The following LRCH2 variants were observed in gnomAD, a reference collection of about 807,000 sequenced individuals.
LRCH2 encodes the protein leucine rich repeats and calponin homology domain containing 2, also known as leucine-rich repeat and calponin homology domain-containing protein 2.
In LRCH2, 38 loss-of-function variants were observed where a neutral mutation model predicts 68.9. The observed-to-expected ratio is 0.55, with a 90% CI of 0.43 to 0.72. The LOEUF (loss-of-function observed/expected upper bound fraction) is 0.72, where lower values mean the gene tolerates loss of function less well. Among genes scored for constraint, LRCH2 ranks in the 30% least tolerant of loss-of-function variants. LRCH2 has a pLI of 0.00. For synonymous variants in LRCH2, 191 were observed against 208.1 expected (o/e 0.92, Z 0.71); for missense variants, 528 against 572.9 (o/e 0.92, Z 0.80).
chrX:115,159,577 C>A (rs1290850778), intron 11 of LRCH2, among the ~76,000 whole-genome samples: 1 of 109,577 alleles, frequency 9.1e-6, no homozygotes, highest in Non-Finnish European at 1.9e-5. Context: ...TGGTGAAACC[C>A]CGTCTCTACT....
intron 1 of LRCH2, among the ~76,000 whole-genome samples, chrX:115,218,002 T>G (rs1426200185): frequency 1.8e-5 from 2 of 112,018 alleles, no homozygotes; most frequent in Admixed American, 9.5e-5. Context: ...TTTTTTCTTA[T>G]GTTTGTTGGC....
intron 1 of LRCH2, 89 bp downstream of exon 1, chrX:115,233,604 C>G (rs1177892371): frequency 1.1e-6 from 1 of 951,546 alleles, no homozygotes; most frequent in Non-Finnish European, 1.4e-6. Flanking sequence ...CCCGCCCAGA[C>G]CCGCAGAGTC....
chrX:115,216,678 A>C (rs184040204), intron 1 of LRCH2, among the ~76,000 whole-genome samples: 1 of 112,049 alleles, frequency 8.9e-6, no homozygotes, highest in Non-Finnish European at 1.9e-5. Context: ...AAATTAGTAC[A>C]ACCCCTGGGG....
intron 6 of LRCH2, among the ~76,000 whole-genome samples, chrX:115,169,608 T>C (rs782098153): frequency 6.3e-5 from 7 of 111,685 alleles, no homozygotes; most frequent in Non-Finnish European, 1.3e-4. Context: ...ATAAAATTTA[T>C]ATATATGCAA....
intron 1 of LRCH2, among the ~76,000 whole-genome samples, chrX:115,226,229 A>G (rs2073118295): frequency 8.9e-6 from 1 of 112,039 alleles, no homozygotes; most frequent in South Asian, 3.7e-4. Context: ...AAAAGAATGA[A>G]CCACAGTTTT....
chrX:115,161,039 G>A (rs2072514613), intron 11 of LRCH2, among the ~76,000 whole-genome samples: 1 of 112,349 alleles, frequency 8.9e-6, no homozygotes, highest in Non-Finnish European at 1.9e-5. Flanking sequence ...TTCTCCATAC[G>A]TTATAAATTT....
intron 5 of LRCH2, among the ~76,000 whole-genome samples, chrX:115,176,226 T>C (rs2072645815): frequency 8.9e-6 from 1 of 112,452 alleles, no homozygotes; most frequent in African/African-American, 3.2e-5. Context: ...CTACTTTTAA[T>C]TTTTTGAGGA....
chrX:115,214,207 C>A (rs1294131044), intron 1 of LRCH2, among the ~76,000 whole-genome samples: 1 of 111,899 alleles, frequency 8.9e-6, no homozygotes, highest in Non-Finnish European at 1.9e-5. Context: ...GTTAGCAATT[C>A]CTCATCTATT....
chrX:115,166,153 C>T, intron 7 of LRCH2, 102 bp downstream of exon 7: 2 of 671,832 alleles, frequency 3.0e-6, no homozygotes, highest in Non-Finnish European at 4.5e-6. Context: ...ATATAATGAT[C>T]ATATTTTCAA....
intron 1 of LRCH2, among the ~76,000 whole-genome samples, chrX:115,231,160 CTT>C (rs782328403): frequency 8.0e-5 from 9 of 111,893 alleles, no homozygotes; most frequent in Non-Finnish European, 1.5e-4. Context: ...TTCCCTTCCT[CTT>C]GTCTCTTCCT....
chrX:115,167,207 A>AAAAAAAAAAAAAAAAAAC (rs2072568091), intron 6 of LRCH2, among the ~76,000 whole-genome samples: 1 of 102,189 alleles, frequency 9.8e-6, no homozygotes. Flanking sequence ...AAAAAAAAAA[A>AAAAAAAAAAAAAAAAAAC]AAAAAAAAAA....
intron 2 of LRCH2, 58 bp downstream of exon 2, chrX:115,188,168 T>TA: frequency 1.1e-6 from 1 of 885,640 alleles, no homozygotes; most frequent in Non-Finnish European, 1.5e-6. Context: ...CCTTTGCGAC[T>TA]AAAAAAGGAT....
intron 1 of LRCH2, among the ~76,000 whole-genome samples, chrX:115,218,056 G>A (rs1321172702): frequency 9.0e-6 from 1 of 111,053 alleles, no homozygotes; most frequent in Non-Finnish European, 1.9e-5. Context: ...CATATCCTTC[G>A]CTCAGTTTTT....
intron 14 of LRCH2, among the ~76,000 whole-genome samples, chrX:115,136,769 G>A (rs369087030): frequency 8.9e-6 from 1 of 112,176 alleles, no homozygotes; most frequent in Non-Finnish European, 1.9e-5. Flanking sequence ...AATGGTCCAC[G>A]AAGATTTTAA....
chrX:115,149,114 C>G (rs1347181449), intron 14 of LRCH2, among the ~76,000 whole-genome samples: 1 of 111,495 alleles, frequency 9.0e-6, no homozygotes, highest in Non-Finnish European at 1.9e-5. Context: ...ACAAAATTTG[C>G]TATTCATGGA....
chrX:115,229,044 G>A (rs1415691315), intron 1 of LRCH2, among the ~76,000 whole-genome samples: 1 of 111,213 alleles, frequency 9.0e-6, no homozygotes, highest in African/African-American at 3.3e-5. Flanking sequence ...CAAAGTAGGA[G>A]TTCAATAAAT....
At chrX:115,210,123 C>T (rs2072996247) in intron 1 of LRCH2, among the ~76,000 whole-genome samples, 1 of 112,017 alleles carries the variant, frequency 8.9e-6, no homozygotes, top group East Asian at 2.8e-4. Context: ...AAGCTGGCTA[C>T]AGAAATTTGC....
intron 16 of LRCH2, chrX:115,126,169 G>C (rs782567215): frequency 1.8e-5 from 2 of 111,747 alleles, no homozygotes; most frequent in Non-Finnish European, 3.8e-5. Context: ...AAGTAGAAGA[G>C]ATAGAGTTTA....
chrX:115,160,857 G>GT (rs2072513497), intron 11 of LRCH2, among the ~76,000 whole-genome samples: 1 of 111,568 alleles, frequency 9.0e-6, no homozygotes, highest in Non-Finnish European at 1.9e-5. Flanking sequence ...TTCAAGTATT[G>GT]TGACAGTAAA....
Sources: allele counts gnomAD v4.1 joint callset (sites outside exome capture counted in the v4.1 genomes callset), GRCh38; gene constraint gnomAD v4.1.1; transcripts MANE v1.5; gene names NCBI Gene and HGNC (gene_info 2026-07-23, HGNC 2026-07-21).